The following XYLB variants were observed in gnomAD, a reference collection of about 807,000 sequenced individuals.
The protein encoded by XYLB is xylulokinase.
Under a neutral mutation model 78.7 loss-of-function variants are expected in XYLB, and 62 were observed. That is an observed-to-expected ratio of 0.79 (90% CI 0.64 to 0.97). XYLB has a LOEUF of 0.97. Ranked by LOEUF, XYLB falls within the 50% of genes least tolerant of loss-of-function variation. The probability of loss-of-function intolerance (pLI) is 0.00; values close to 1 mark genes in which losing one functional copy is unlikely to be tolerated. For missense variants in XYLB, 687 were observed against 676.8 expected, an observed-to-expected ratio of 1.02 and a Z score of -0.17; for synonymous variants, 245 against 247.4, an observed-to-expected ratio of 0.99 and a Z score of 0.09.
chr3:38,370,778 C>A (rs767449108), intron 9 of XYLB, among the ~76,000 whole-genome samples: 5 of 152,328 alleles, frequency 3.3e-5, no homozygotes, highest in Middle Eastern at 6.8e-3. Flanking sequence ...ATTTACCCAT[C>A]ACAGCGGCCC....
intron 15 of XYLB, among the ~76,000 whole-genome samples, chr3:38,394,971 C>T (rs190138417): frequency 1.3e-5 from 2 of 152,268 alleles, no homozygotes; most frequent in East Asian, 1.9e-4. Flanking sequence ...TGTGTCAGAG[C>T]GAGATGGAAG....
In XYLB at chr3:38,374,494, G is replaced by A; in HGVS notation, c.880G>A (p.Asp294Asn). The change falls in exon 11 of 19, where the codon GAC becomes AAC. Residue 294 changes from aspartate (D) to asparagine (N), a missense_variant. Physicochemically the swap from Asp to Asn is conservative, Grantham distance 23. Transcript: ENST00000207870. Reference sequence around the variant, plus strand: ...GGCAGGCATGAGACTGGAGGAAGGTGACATTGCGGTAAGGCGACTTCCCAC... The same window carrying A: ...GGCAGGCATGAGACTGGAGGAAGGTAACATTGCGGTAAGGCGACTTCCCAC... ...SLAGMRLEEG[D>N]IAVSLGTSDT... is the part of the protein sequence containing the mutation. 1 of 1,613,664 alleles carries A rather than the reference G, an allele frequency of 6.2e-7. No homozygotes were observed. Among genetic ancestry groups the A allele is most frequent in the South Asian group, 1.1e-5 (1 of 91,054 alleles).
chr3:38,351,416 GC>G (rs1197792731), intron 2 of XYLB, among the ~76,000 whole-genome samples: 13 of 151,884 alleles, frequency 8.6e-5, no homozygotes, highest in African/African-American at 2.9e-4. Flanking sequence ...ATATGGTATT[GC>G]TTTTTTCCAT....
intron 18 of XYLB, among the ~76,000 whole-genome samples, chr3:38,401,836 C>G (rs576223455): frequency 1.3e-5 from 2 of 152,254 alleles, no homozygotes; most frequent in East Asian, 3.9e-4. Context: ...TCCGCCACAC[C>G]ACTGCACCTA....
At chr3:38,399,410 G>A (rs2125653289) in intron 17 of XYLB, among the ~76,000 whole-genome samples, 1 of 152,166 alleles carries the variant, frequency 6.6e-6, no homozygotes, top group African/African-American at 2.4e-5. Flanking sequence ...CCGCACCCAG[G>A]CTGTATGGTA....
intron 15 of XYLB, among the ~76,000 whole-genome samples, chr3:38,391,932 A>C (rs1707674450): frequency 6.6e-6 from 1 of 152,148 alleles, no homozygotes. Flanking sequence ...GCTACTTTCC[A>C]TGTTTGTCTC....
At chr3:38,409,413 A>C (rs946760926) in intron 18 of XYLB, among the ~76,000 whole-genome samples, 7 of 152,232 alleles carry the variant, frequency 4.6e-5, no homozygotes, top group African/African-American at 1.7e-4. Flanking sequence ...ATCTATGACA[A>C]ACCCACAGCC....
At chr3:38,370,238 G>GCACACA (rs1553653435) in intron 9 of XYLB, 64 bp downstream of exon 9, 5 of 326,686 alleles carry the variant, frequency 1.5e-5, no homozygotes, top group African/African-American at 8.8e-5. Flanking sequence ...AAGCACTGTA[G>GCACACA]CGCACACACA....
chr3:38,363,904 G>A (rs1178611910), intron 4 of XYLB, among the ~76,000 whole-genome samples: 2 of 152,116 alleles, frequency 1.3e-5, no homozygotes, highest in African/African-American at 4.8e-5. Flanking sequence ...ATCCTCACTA[G>A]GATGTAACTA....
intron 6 of XYLB, 101 bp from the exon 7 acceptor site, chr3:38,366,707 C>A (rs993581449): frequency 1.0e-5 from 8 of 792,132 alleles, no homozygotes; most frequent in Non-Finnish European, 1.7e-5. Flanking sequence ...TTTATGGTAC[C>A]TACTCCTATC....
intron 17 of XYLB, among the ~76,000 whole-genome samples, chr3:38,398,795 T>C (rs1218564963): frequency 4.0e-5 from 6 of 149,808 alleles, no homozygotes; most frequent in Admixed American, 2.7e-4. Context: ...GAGGCCAAGG[T>C]AGGCGGATTA....
chr3:38,355,626 G>T, intron 2 of XYLB: 1 of 647,446 alleles, frequency 1.5e-6, no homozygotes, highest in South Asian at 1.7e-5. Flanking sequence ...TCAGCCATGT[G>T]ACTGAGTTCT....
intron 10 of XYLB, 35 bp downstream of exon 10, chr3:38,372,771 C>T (rs1176591007): frequency 6.3e-7 from 1 of 1,596,158 alleles, no homozygotes; most frequent in Non-Finnish European, 8.6e-7. Context: ...CTCCAGTGAG[C>T]CTGACTGGGT....
At chr3:38,443,180 C>CTGG in the XYLB span, among the ~76,000 whole-genome samples, 13 of 152,182 alleles carry the variant, frequency 8.5e-5, no homozygotes, top group African/African-American at 3.1e-4. Flanking sequence ...GAGATTAACA[C>CTGG]TGAGAGGGCC....
the XYLB span, among the ~76,000 whole-genome samples, chr3:38,430,797 T>G: frequency 6.6e-6 from 1 of 152,236 alleles, no homozygotes; most frequent in Non-Finnish European, 1.5e-5. Flanking sequence ...CCCAGCACCA[T>G]TTATTAAATA....
At chr3:38,389,839 A>G (rs1707575788) in intron 15 of XYLB, among the ~76,000 whole-genome samples, 1 of 152,164 alleles carries the variant, frequency 6.6e-6, no homozygotes, top group Non-Finnish European at 1.5e-5. Context: ...TTTGGTGGGT[A>G]GGGAGGACTA....
chr3:38,433,743 G>A, the XYLB span, among the ~76,000 whole-genome samples: 1 of 152,174 alleles, frequency 6.6e-6, no homozygotes, highest in African/African-American at 2.4e-5. Context: ...TTTGGTCAAA[G>A]CCATTCAAAA....
chr3:38,402,555 A>G (rs1283459177), intron 18 of XYLB, among the ~76,000 whole-genome samples: 2 of 152,198 alleles, frequency 1.3e-5, no homozygotes, highest in Non-Finnish European at 2.9e-5. Context: ...GAAAGATTCA[A>G]TGTCGAGATA....
the XYLB span, among the ~76,000 whole-genome samples, chr3:38,442,360 T>C: frequency 6.6e-6 from 1 of 152,094 alleles, no homozygotes; most frequent in Non-Finnish European, 1.5e-5. Context: ...AGGACCAGAG[T>C]GCCTGGACTT....
Sources: gnomAD v4.1 joint callset for allele counts (sites outside exome capture counted in the v4.1 genomes callset) on GRCh38, gnomAD v4.1.1 for gene constraint, MANE v1.5 for transcripts, NCBI Gene and HGNC (gene_info 2026-07-23, HGNC 2026-07-21) for gene names.